The following CAB39L variants were observed in gnomAD, a reference collection of about 807,000 sequenced individuals.
CAB39L encodes calcium binding protein 39 like.
Under a neutral mutation model 39.1 loss-of-function variants are expected in CAB39L, and 23 were observed. The observed-to-expected ratio is 0.59, with a 90% CI of 0.42 to 0.83. The LOEUF (loss-of-function observed/expected upper bound fraction) is 0.83, where lower values mean the gene tolerates loss of function less well. CAB39L is among the 40% of genes least tolerant of loss of function. The pLI is 0.00. For synonymous variants in CAB39L, 126 were observed against 137.2 expected (o/e 0.92, Z 0.57); for missense variants, 366 against 391.9 (o/e 0.93, Z 0.56).
chr13:49,359,675 A>G (rs750282866), intron 6 of CAB39L, 39 bp downstream of exon 6: 3 of 1,100,486 alleles, frequency 2.7e-6, no homozygotes, highest in African/African-American at 1.6e-5. Context: ...AACAACTATT[A>G]AAAACTTAGC....
intron 5 of CAB39L, 76 bp from the exon 6 acceptor site, chr13:49,359,908 A>G: frequency 1.3e-6 from 1 of 768,160 alleles, no homozygotes; most frequent in South Asian, 1.7e-5. Flanking sequence ...ATATATACAT[A>G]TATATATACA....
At chr13:49,416,113 C>T (rs1310401006) in intron 3 of CAB39L, among the ~76,000 whole-genome samples, 1 of 152,218 alleles carries the variant, frequency 6.6e-6, no homozygotes, top group Non-Finnish European at 1.5e-5. Flanking sequence ...TGCTGAACCA[C>T]ATCTTCTGGA....
intron 10 of CAB39L, among the ~76,000 whole-genome samples, chr13:49,312,115 G>A (rs1017560646): frequency 1.3e-5 from 2 of 152,156 alleles, no homozygotes; most frequent in Admixed American, 6.5e-5. Context: ...GGCTGGTCTC[G>A]AATTCCTGGT....
intron 6 of CAB39L, 152 bp downstream of exon 6, chr13:49,359,562 G>A: frequency 2.0e-6 from 1 of 500,298 alleles, no homozygotes. Flanking sequence ...AGTAATCATA[G>A]AGACAGATCT....
intron 7 of CAB39L, among the ~76,000 whole-genome samples, chr13:49,349,982 A>AT (rs1014897198): frequency 4.6e-5 from 7 of 152,086 alleles, no homozygotes; most frequent in Admixed American, 3.9e-4. Context: ...TTCTCTGAAC[A>AT]TTTTTTTGAT....
At chr13:49,419,108 C>T (rs914640804) in intron 3 of CAB39L, among the ~76,000 whole-genome samples, 4 of 152,044 alleles carry the variant, frequency 2.6e-5, no homozygotes, top group African/African-American at 9.7e-5. Flanking sequence ...GCTGTGATTA[C>T]AGGTGCATGC....
At chr13:49,422,664 G>T (rs1032419700) in intron 3 of CAB39L, among the ~76,000 whole-genome samples, 28 of 151,206 alleles carry the variant, frequency 1.9e-4, no homozygotes, top group African/African-American at 6.6e-4. Flanking sequence ...CCCCAGGCTG[G>T]TCTCAAACTC....
intron 7 of CAB39L, among the ~76,000 whole-genome samples, chr13:49,347,776 A>G (rs1955223906): frequency 6.6e-6 from 1 of 151,990 alleles, no homozygotes; most frequent in Non-Finnish European, 1.5e-5. Context: ...GGGATTTCCA[A>G]CACTCGGAGC....
intron 3 of CAB39L, among the ~76,000 whole-genome samples, chr13:49,423,473 T>C (rs1376677620): frequency 6.6e-6 from 1 of 152,010 alleles, no homozygotes; most frequent in Non-Finnish European, 1.5e-5. Context: ...ATCCCAACAC[T>C]TTGGGAGGCC....
intron 3 of CAB39L, among the ~76,000 whole-genome samples, chr13:49,411,377 T>G (rs1484425984): frequency 7.2e-6 from 1 of 139,238 alleles, no homozygotes; most frequent in Non-Finnish European, 1.5e-5. Flanking sequence ...GTCACTGCAC[T>G]CCAGCCTGGG....
Position 49,331,956 on chromosome 13 carries a change from A to T in CAB39L, c.825T>A (p.His275Gln). ...KSPNIQFEAF[H>Q]VFKVFVASPH... ...AGCTTGTACTTTTTACCTTAAAAACATGAAAGGCTTCAAACTGGATGTTGG... is the reference window on the plus strand; with the variant it reads ...AGCTTGTACTTTTTACCTTAAAAACTTGAAAGGCTTCAAACTGGATGTTGG... Residue 275 changes from histidine to glutamine, a missense_variant, in exon 10 of 11, where the codon CAT becomes CAA. Transcript: ENST00000409308. The T allele has an allele frequency of 6.2e-7, 1 of 1,614,160 alleles. No homozygotes were observed. The highest frequency in any genetic ancestry group is 1.1e-5 in the South Asian group (1 of 91,060).
At position 49,440,034 on chromosome 13, in the gene CAB39L, T is replaced by C. The variant is rs1297615969; in HGVS notation, c.-246+3952A>G. Among the ~76,000 whole-genome samples the C allele has an allele frequency of 3.0e-4, 46 of 151,456 alleles. 1 individual carries two copies. The highest frequency in any genetic ancestry group is 1.5e-5 in the Non-Finnish European group (1 of 67,908). ...ATTTTCTCCTATTCTGCAGGTTATC[T>C]GTTTGCTCTGTTAATAGTTTCTCTT... On this transcript the variant is annotated intron_variant, in intron 1 of 10. Transcript: ENST00000409308.
At chr13:49,400,136 C>T (rs933597599) in intron 3 of CAB39L, among the ~76,000 whole-genome samples, 1 of 151,938 alleles carries the variant, frequency 6.6e-6, no homozygotes, top group African/African-American at 2.4e-5. Context: ...AGTTGTTTTG[C>T]CTTAAAGGAT....
intron 6 of CAB39L, 133 bp from the exon 7 acceptor site, chr13:49,351,045 C>T (rs1955333820): frequency 1.7e-6 from 1 of 581,014 alleles, no homozygotes; most frequent in African/African-American, 1.9e-5. Context: ...CATTCAATAT[C>T]CACTGAAGAT....
At chr13:49,373,535 C>T (rs1054006732) in intron 5 of CAB39L, among the ~76,000 whole-genome samples, 2 of 152,136 alleles carry the variant, frequency 1.3e-5, no homozygotes, top group Non-Finnish European at 2.9e-5. Context: ...AGGCTATTCA[C>T]GTACTGAAAT....
At chr13:49,369,080 C>T (rs928470176) in intron 5 of CAB39L, among the ~76,000 whole-genome samples, 1 of 152,110 alleles carries the variant, frequency 6.6e-6, no homozygotes, top group Non-Finnish European at 1.5e-5. Context: ...TGAAAAGATG[C>T]TCAACATCAT....
At chr13:49,346,379 C>T (rs1394956528) in intron 7 of CAB39L, among the ~76,000 whole-genome samples, 2 of 146,828 alleles carry the variant, frequency 1.4e-5, no homozygotes, top group Admixed American at 6.7e-5. Context: ...AGGATCCTAC[C>T]CAAGAAGGAA....
chr13:49,384,447 A>G (rs1028621656), intron 3 of CAB39L, among the ~76,000 whole-genome samples: 3 of 152,136 alleles, frequency 2.0e-5, no homozygotes. Flanking sequence ...GAAAATGTTG[A>G]TATTTTGACC....
At chr13:49,316,766 G>A (rs9535198) in intron 10 of CAB39L, among the ~76,000 whole-genome samples, 51,926 of 152,026 alleles carry the variant, frequency 0.34, 9,196 homozygotes, top group East Asian at 0.55. Context: ...ATCTGTGAGC[G>A]TGATTTTATT....
Sources: gnomAD v4.1 joint callset for allele counts (sites outside exome capture counted in the v4.1 genomes callset) on GRCh38, gnomAD v4.1.1 for gene constraint, MANE v1.5 for transcripts, NCBI Gene and HGNC (gene_info 2026-07-23, HGNC 2026-07-21) for gene names.